XKR9: variants seen among roughly 807,000 people sequenced by gnomAD.
XKR9 encodes the protein XK related 9, also known as XK-related protein 9.
In XKR9, 32 loss-of-function variants were observed where a neutral mutation model predicts 32.0. That is an observed-to-expected ratio of 1.00 (90% confidence interval 0.76 to 1.34). The LOEUF (loss-of-function observed/expected upper bound fraction) is 1.34, where lower values mean the gene tolerates loss of function less well. XKR9 is among the 40% of genes most tolerant of loss of function. The pLI is 0.00. For missense variants in XKR9, 546 were observed against 429.7 expected (o/e 1.27, Z -2.39); for synonymous variants, 168 against 143.4 (o/e 1.17, Z -1.22).
At chr8:70,782,045 C>G (rs1807624722) in intron 2 of XKR9, among the ~76,000 whole-genome samples, 1 of 152,166 alleles carries the variant, frequency 6.6e-6, no homozygotes, top group Admixed American at 6.6e-5. Flanking sequence ...TCCCAAATGT[C>G]CTGAGTAAAG....
intron 4 of XKR9, among the ~76,000 whole-genome samples, chr8:70,725,981 G>T (rs1486585932): frequency 6.6e-6 from 1 of 151,944 alleles, no homozygotes; most frequent in Non-Finnish European, 1.5e-5. Context: ...AACTACAAAT[G>T]GATTTTACAT....
rs1807533325 is a variant in XKR9, at chr8:70,776,954, T to TAC, written n.353-12384_353-12383insCA. On this transcript the variant is annotated intron_variant and non_coding_transcript_variant, in intron 2 of 3. Coordinates refer to the XKR9 transcript ENST00000520273. ...CTCTCTCTCTCTCTCTCTCTATATA[T>TAC]ATATATATATGTATGTATTATACTT... Among the ~76,000 whole-genome samples, 2 of 89,276 alleles carry TAC rather than the reference T, an allele frequency of 2.2e-5. 1 individual carries two copies. Among genetic ancestry groups the TAC allele is most frequent in the Non-Finnish European group, 5.8e-5 (2 of 34,474 alleles). The allele number at this position is 89,276 out of a possible 152,430, so 58.6% of individuals were successfully genotyped here.
chr8:70,973,424 T>C, the XKR9 span, among the ~76,000 whole-genome samples: 1 of 152,184 alleles, frequency 6.6e-6, no homozygotes, highest in Non-Finnish European at 1.5e-5. Flanking sequence ...TTTTGTTTCA[T>C]TTATCTTTTG....
chr8:70,780,424 G>T (rs1460965757), intron 2 of XKR9, among the ~76,000 whole-genome samples: 1 of 151,858 alleles, frequency 6.6e-6, no homozygotes, highest in Non-Finnish European at 1.5e-5. Flanking sequence ...TTGGCATATT[G>T]TGTTCTCATT....
chr8:70,753,040 A>T (rs187492309), intron 2 of XKR9, among the ~76,000 whole-genome samples: 1 of 152,238 alleles, frequency 6.6e-6, no homozygotes, highest in African/African-American at 2.4e-5. Flanking sequence ...AAAGAAGAAG[A>T]GAGAAGAATC....
the XKR9 span, among the ~76,000 whole-genome samples, chr8:70,959,360 T>C: frequency 2.6e-5 from 4 of 152,208 alleles, no homozygotes; most frequent in Admixed American, 2.0e-4. Context: ...CTTTCATATC[T>C]GGGAGCTTGT....
chr8:71,038,996 G>T, the XKR9 span, among the ~76,000 whole-genome samples: 1 of 151,794 alleles, frequency 6.6e-6, no homozygotes, highest in African/African-American at 2.4e-5. Flanking sequence ...TAGAGACGGG[G>T]TTTCACCATG....
At chr8:70,809,783 G>A in the XKR9 span, among the ~76,000 whole-genome samples, 4 of 152,206 alleles carry the variant, frequency 2.6e-5, no homozygotes, top group African/African-American at 4.8e-5. Flanking sequence ...AGAAATATGG[G>A]ACTATGTGAA....
chr8:70,959,055 G>C, the XKR9 span, among the ~76,000 whole-genome samples: 1 of 151,784 alleles, frequency 6.6e-6, no homozygotes, highest in East Asian at 1.9e-4. Context: ...CTTCTTTTAA[G>C]TATACACTTT....
At chr8:70,807,237 C>T in the XKR9 span, among the ~76,000 whole-genome samples, 1 of 152,122 alleles carries the variant, frequency 6.6e-6, no homozygotes, top group Non-Finnish European at 1.5e-5. Context: ...TACTACCAGG[C>T]CTGCCTTGCA....
chr8:70,957,386 T>C, the XKR9 span, among the ~76,000 whole-genome samples: 1 of 152,168 alleles, frequency 6.6e-6, no homozygotes, highest in African/African-American at 2.4e-5. Context: ...TTTCCAACTT[T>C]TATTTTAAGT....
the XKR9 span, among the ~76,000 whole-genome samples, chr8:70,992,156 G>A: frequency 3.9e-5 from 6 of 152,184 alleles, no homozygotes; most frequent in African/African-American, 1.4e-4. Context: ...AGAGTTGATA[G>A]AGTTGCATCT....
Position 70,669,392 on chromosome 8 carries a change from C to T in XKR9, c.-507C>T, listed in dbSNP as rs1380852860. On this transcript the variant is annotated 5_prime_UTR_variant, in exon 1 of 5. Transcript: ENST00000408926. ...GCGGGCAGTGGTGGGAAGGCTGGCGCGAGGCGTGAGGTGGCGTGAGGCGAA... is the reference window on the plus strand; with the variant it reads ...GCGGGCAGTGGTGGGAAGGCTGGCGTGAGGCGTGAGGTGGCGTGAGGCGAA... 2 of 433,940 alleles carry T rather than the reference C, an allele frequency of 4.6e-6. No homozygotes were observed. The highest frequency in any genetic ancestry group is 4.2e-5 in the Admixed American group (1 of 23,770). 26.9% of individuals were successfully genotyped at this position (433,940 alleles called of 1,614,324 possible).
chr8:70,895,410 A>C, the XKR9 span, among the ~76,000 whole-genome samples: 20,832 of 152,050 alleles, frequency 0.14, 1,947 homozygotes, highest in African/African-American at 0.26. Context: ...GCTTCTAATT[A>C]ATTGGCTCTC....
the XKR9 span, among the ~76,000 whole-genome samples, chr8:70,879,443 CA>C: frequency 6.6e-6 from 1 of 151,912 alleles, no homozygotes; most frequent in African/African-American, 2.4e-5. Flanking sequence ...AGAGAAGAAT[CA>C]AATAGACAAA....
chr8:70,809,638 A>G, the XKR9 span, among the ~76,000 whole-genome samples: 25 of 152,354 alleles, frequency 1.6e-4, no homozygotes, highest in South Asian at 4.8e-3. Flanking sequence ...TGAGAACTAC[A>G]TGATGAATGC....
chr8:71,052,141 C>T, the XKR9 span, among the ~76,000 whole-genome samples: 19 of 152,222 alleles, frequency 1.2e-4, no homozygotes, highest in Non-Finnish European at 2.2e-4. Flanking sequence ...AGAAAGCTTG[C>T]GGGCTACTGC....
chr8:70,896,762 G>GTA, the XKR9 span, among the ~76,000 whole-genome samples: 18 of 151,596 alleles, frequency 1.2e-4, no homozygotes, highest in African/African-American at 4.4e-4. Flanking sequence ...CATATAGTAG[G>GTA]TATATATATT....
chr8:70,739,409 G>C (rs1016167395), downstream of XKR9, among the ~76,000 whole-genome samples: 3 of 152,272 alleles, frequency 2.0e-5, no homozygotes, highest in Admixed American at 2.0e-4. Flanking sequence ...GATGGGTCTT[G>C]ACTCTTTATC....
Sources: gnomAD v4.1 joint callset for allele counts (sites outside exome capture counted in the v4.1 genomes callset) on GRCh38, gnomAD v4.1.1 for gene constraint, MANE v1.5 for transcripts, NCBI Gene and HGNC (gene_info 2026-07-23, HGNC 2026-07-21) for gene names.